ARID5B: variants seen among roughly 807,000 people sequenced by gnomAD.
ARID5B encodes AT-rich interaction domain 5B, also known as AT-rich interactive domain-containing protein 5B.
In ARID5B, 13 loss-of-function variants were observed where a neutral mutation model predicts 97.2. That is an observed-to-expected ratio of 0.13 (90% confidence interval 0.09 to 0.21). The LOEUF (loss-of-function observed/expected upper bound fraction) is 0.21, where lower values mean the gene tolerates loss of function less well. Ranked by LOEUF, ARID5B falls within the 10% of genes least tolerant of loss-of-function variation. The pLI, the probability that ARID5B is intolerant of heterozygous loss-of-function variation, is 1.00. For synonymous variants in ARID5B, 556 were observed against 570.3 expected, an observed-to-expected ratio of 0.97 and a Z score of 0.36; for missense variants, 1,210 against 1,465.3, an observed-to-expected ratio of 0.83 and a Z score of 2.84.
rs373233418 is a variant in ARID5B at position 62,000,741 on chromosome 10, AATAG to A, written c.733+426_733+429del. On this transcript the variant is annotated intron_variant, in intron 4 of 9. Transcript: ENST00000279873. This position sits in a 1 kb window ranked among gnomAD's most constrained non-coding sequence, Gnocchi z 4.4. Reference sequence around the variant, plus strand: ...TTCAGTAGTAAACAGTGAATAGATAAATAGATAGAAAGAAAACAACTTCAGTACT... The same window carrying A: ...TTCAGTAGTAAACAGTGAATAGATAAATAGAAAGAAAACAACTTCAGTACT... Among the ~76,000 whole-genome samples, 672 of 152,272 alleles carry A rather than the reference AATAG, an allele frequency of 4.4e-3. 2 individuals carry two copies. Among genetic ancestry groups the A allele is most frequent in the South Asian group, 0.021 (101 of 4,822 alleles).
At chr10:62,049,201 T>G in intron 4 of ARID5B, 5 of 1,305,268 alleles carry the variant, frequency 3.8e-6, no homozygotes, top group Non-Finnish European at 4.9e-6. Flanking sequence ...TGCGGGGAGG[T>G]GGAGAGAGCA....
chr10:62,049,314 CG>C lies in ARID5B; in HGVS notation c.734-1569del, dbSNP rs530832726. 332 of 1,489,934 alleles carry C rather than the reference CG, an allele frequency of 2.2e-4. 1 individual carries two copies. The African/African-American group carries it at 3.9e-3, about 18-fold the overall frequency. The allele number at this position is 1,489,934 out of a possible 1,614,324, so 92.3% of individuals were successfully genotyped here. A position where few individuals can be genotyped will look rare whatever the true frequency, so the allele number is the denominator to read the frequency against. ...GTGTTTACATGAGTAATGGAGCTGC[CG>C]GGGGAGGGGAGTTGTAAGCAGAGCG... is the stretch of plus-strand genomic sequence containing the variant. On this transcript the variant is annotated intron_variant, in intron 4 of 9. Transcript: ENST00000279873.
chr10:61,911,333 T>A (rs1309940151), intron 2 of ARID5B, among the ~76,000 whole-genome samples: 1 of 152,216 alleles, frequency 6.6e-6, no homozygotes, highest in Non-Finnish European at 1.5e-5. Flanking sequence ...GTGCTGCTTG[T>A]CCCTTAATCA....
intron 4 of ARID5B, among the ~76,000 whole-genome samples, chr10:62,026,105 A>G (rs1430458633): frequency 6.6e-6 from 1 of 152,212 alleles, no homozygotes; most frequent in Non-Finnish European, 1.5e-5. Context: ...TCAGATTCCA[A>G]GTGCCTTTTC....
At position 61,962,581 on chromosome 10, in the gene ARID5B, C is replaced by T. The variant is rs886380966; in HGVS notation, c.502+22173C>T. Among the ~76,000 whole-genome samples, 6 of 152,200 alleles carry T rather than the reference C, an allele frequency of 3.9e-5. No homozygotes were observed. The East Asian group carries it at 1.2e-3, about 29-fold the overall frequency. Reference sequence around the variant, plus strand: ...GTAGTGAAGGCCATCTTCAATTTGACTGTGCTCCACTCTGTTATGCTGTGA... The same window carrying T: ...GTAGTGAAGGCCATCTTCAATTTGATTGTGCTCCACTCTGTTATGCTGTGA... On this transcript the variant is annotated intron_variant, in intron 3 of 9. Coordinates refer to ENST00000279873, the MANE Select transcript of ARID5B (RefSeq NM_032199.3).
intron 5 of ARID5B, 60 bp downstream of exon 5, chr10:62,051,060 C>G: frequency 7.3e-7 from 1 of 1,369,094 alleles, no homozygotes. Context: ...TGCTTTTTCT[C>G]TTTATCTCTC....
chr10:61,971,851 G>A (rs1053068599), intron 3 of ARID5B, among the ~76,000 whole-genome samples: 1 of 152,074 alleles, frequency 6.6e-6, no homozygotes, highest in Non-Finnish European at 1.5e-5. Flanking sequence ...ATATTGGATT[G>A]TCATCTTCTT....
In ARID5B at chr10:62,091,115, A is replaced by G. The variant is rs771401194; in HGVS notation, c.1652A>G (p.Lys551Arg). ...CCAAGTGCTCCTCTGGCCCCAGAAAAAGATTCAGCCTTGGTCCCTGGGGCC... is the reference window on the plus strand; with the variant it reads ...CCAAGTGCTCCTCTGGCCCCAGAAAGAGATTCAGCCTTGGTCCCTGGGGCC... ...PLPSAPLAPE[K>R]DSALVPGASK... The change falls in exon 10 of 10, where the codon AAA becomes AGA. Residue 551 changes from lysine to arginine, a missense_variant. Around this residue, in one of 8 missense-constraint regions of ARID5B, gnomAD observed 800 missense variants for 839.1 expected, o/e 0.95. Coordinates refer to ENST00000279873, the MANE Select transcript of ARID5B (RefSeq NM_032199.3). 1.1e-5 allele frequency: 17 copies of G among 1,613,958 alleles called. No individual in the cohort carries two copies. The highest frequency in any genetic ancestry group is 1.7e-5 in the Admixed American group (1 of 59,992).
Position 62,000,222 on chromosome 10 carries a change from G to T in ARID5B, c.634G>T (p.Gly212Cys), listed in dbSNP as rs202022815. The change falls in exon 4 of 10, where the codon GGC becomes TGC. Residue 212 changes from glycine to cysteine, a missense_variant. Physicochemically the swap from Gly to Cys is radical, Grantham distance 159. Around this residue, in one of 8 missense-constraint regions of ARID5B, gnomAD observed 132 missense variants for 156.7 expected, o/e 0.84. Coordinates refer to ENST00000279873, the MANE Select transcript of ARID5B (RefSeq NM_032199.3). The surrounding 1 kb of genome is among the most constrained non-coding windows in gnomAD (Gnocchi z 4.4). Reference sequence around the variant, plus strand: ...GGACCAGTTTGCATTGGCCCTGGGGGGCATTGCAGTGGTCAGCAGGAACCC... The same window carrying T: ...GGACCAGTTTGCATTGGCCCTGGGGTGCATTGCAGTGGTCAGCAGGAACCC... ...LTDQFALALG[G>C]IAVVSRNPQI... The T allele has an allele frequency of 1.9e-6, 3 of 1,613,968 alleles. No homozygotes were observed. Among genetic ancestry groups the T allele is most frequent in the Non-Finnish European group, 2.5e-6 (3 of 1,179,920 alleles).
At chr10:61,988,287 A>G (rs913087117) in intron 3 of ARID5B, among the ~76,000 whole-genome samples, 2 of 152,232 alleles carry the variant, frequency 1.3e-5, no homozygotes, top group Admixed American at 1.3e-4. Context: ...AGAAAGAAAT[A>G]TCCATTCTGA....
rs533625494 is a variant in ARID5B, at chr10:61,966,953, T to C, written c.502+26545T>C. On this transcript the variant is annotated intron_variant, in intron 3 of 9. Transcript: ENST00000279873. ...ATTTCCATGAATTCTGCCCGCATTT[T>C]ATTATTTCTCACTAGCAGTACTCTG... 2.0e-5 allele frequency among the ~76,000 whole-genome samples: 3 copies of C among 152,358 alleles called. No individual in the cohort carries two copies. The East Asian group carries it at 5.8e-4, about 29-fold the overall frequency.
At chr10:62,085,512 C>T (rs1840268321) in intron 8 of ARID5B, among the ~76,000 whole-genome samples, 190 bp from the exon 9 acceptor site, 3 of 152,112 alleles carry the variant, frequency 2.0e-5, no homozygotes, top group Admixed American at 2.0e-4. Context: ...TATTAAGTTA[C>T]CAGGTACTGA....
intron 2 of ARID5B, among the ~76,000 whole-genome samples, chr10:61,904,636 A>G (rs1299328881): frequency 4.6e-5 from 7 of 152,190 alleles, no homozygotes; most frequent in African/African-American, 1.7e-4. Flanking sequence ...CTGCATATAC[A>G]TCGTCTAATA....
chr10:62,083,323 A>AC (rs1422342434), intron 8 of ARID5B, among the ~76,000 whole-genome samples: 1 of 149,434 alleles, frequency 6.7e-6, no homozygotes, highest in Non-Finnish European at 1.5e-5. Context: ...GAAAAAAAAA[A>AC]AAAAGGAACC....
intron 3 of ARID5B, among the ~76,000 whole-genome samples, chr10:61,971,771 G>A (rs1287795244): frequency 1.3e-5 from 2 of 152,154 alleles, no homozygotes; most frequent in East Asian, 1.9e-4. Flanking sequence ...GATGTCAGTG[G>A]CATGTAAACC....
intron 4 of ARID5B, among the ~76,000 whole-genome samples, chr10:62,017,777 T>C (rs1839302644): frequency 6.6e-6 from 1 of 152,100 alleles, no homozygotes; most frequent in Non-Finnish European, 1.5e-5. Context: ...CTCTAATTGC[T>C]TTTTTTCCCA....
intron 2 of ARID5B, among the ~76,000 whole-genome samples, chr10:61,903,485 T>C (rs899457121): frequency 6.6e-6 from 1 of 152,056 alleles, no homozygotes; most frequent in Non-Finnish European, 1.5e-5. Flanking sequence ...GGGAACTATT[T>C]TGGGGAGTCT....
chr10:62,035,806 TTTTTG>T (rs879729559), intron 4 of ARID5B, among the ~76,000 whole-genome samples: 42 of 151,336 alleles, frequency 2.8e-4, no homozygotes, highest in Non-Finnish European at 5.5e-4. Context: ...GTAAGGAAGC[TTTTTG>T]TTTTGTTTTG....
intron 2 of ARID5B, among the ~76,000 whole-genome samples, chr10:61,938,554 A>G (rs1419012432): frequency 6.6e-6 from 1 of 152,200 alleles, no homozygotes; most frequent in East Asian, 1.9e-4. Flanking sequence ...ATGCATGACA[A>G]CTACAGATCT....
Sources: allele counts gnomAD v4.1 joint callset (sites outside exome capture counted in the v4.1 genomes callset), GRCh38; gene constraint gnomAD v4.1.1; regional missense constraint gnomAD v4.1.1; non-coding constraint Gnocchi (gnomAD v3.1); transcripts MANE v1.5; gene names NCBI Gene and HGNC (gene_info 2026-07-23, HGNC 2026-07-21).